MNAT1: variants seen among roughly 807,000 people sequenced by gnomAD.
The protein encoded by MNAT1 is MNAT1 component of CDK activating kinase, also known as CDK-activating kinase assembly factor MAT1.
In MNAT1, 43 loss-of-function variants were observed where a neutral mutation model predicts 42.0. The ratio of observed to expected loss-of-function variants is 1.02; its 90% CI spans 0.80 to 1.32. The LOEUF (loss-of-function observed/expected upper bound fraction) is 1.32. Ranked by LOEUF, MNAT1 falls within the 40% of genes most tolerant of loss-of-function variation. The probability of loss-of-function intolerance (pLI) is 0.00; values close to 1 mark genes in which losing one functional copy is unlikely to be tolerated. For synonymous variants in MNAT1, 118 were observed against 120.0 expected, an observed-to-expected ratio of 0.98 and a Z score of 0.11; for missense variants, 306 against 350.4, an observed-to-expected ratio of 0.87 and a Z score of 1.01.
intron 7 of MNAT1, among the ~76,000 whole-genome samples, chr14:60,925,599 C>G (rs548656282): frequency 3.3e-5 from 5 of 152,290 alleles, no homozygotes; most frequent in Admixed American, 6.5e-5. Flanking sequence ...GCAACCTTAT[C>G]CCTTCCTTAC....
At chr14:60,758,472 G>C (rs760752887) in intron 1 of MNAT1, among the ~76,000 whole-genome samples, 1 of 151,790 alleles carries the variant, frequency 6.6e-6, no homozygotes, top group Non-Finnish European at 1.5e-5. Flanking sequence ...CAAAGTGCTG[G>C]GATTACAGGT....
At chr14:60,867,356 A>C (rs2034228147) in intron 6 of MNAT1, among the ~76,000 whole-genome samples, 1 of 152,110 alleles carries the variant, frequency 6.6e-6, no homozygotes, top group Non-Finnish European at 1.5e-5. Context: ...ACTATTAGGC[A>C]TCACATTTTA....
intron 7 of MNAT1, among the ~76,000 whole-genome samples, chr14:60,920,969 C>T (rs1050907131): frequency 1.1e-4 from 16 of 152,120 alleles, no homozygotes; most frequent in African/African-American, 3.6e-4. Context: ...GGTAATTTAT[C>T]GTTATCATGT....
At chr14:60,853,773 T>G (rs924569482) in intron 6 of MNAT1, among the ~76,000 whole-genome samples, 1 of 152,196 alleles carries the variant, frequency 6.6e-6, no homozygotes, top group African/African-American at 2.4e-5. Context: ...TGAATTTTGT[T>G]GAAGGCCTTT....
intron 3 of MNAT1, among the ~76,000 whole-genome samples, chr14:60,807,211 A>T (rs2032399371): frequency 6.6e-6 from 1 of 152,246 alleles, no homozygotes; most frequent in African/African-American, 2.4e-5. Context: ...AAATGAAATT[A>T]TAGATCAAAC....
At chr14:60,947,480 C>T (rs138015840) in intron 7 of MNAT1, among the ~76,000 whole-genome samples, 3,499 of 152,106 alleles carry the variant, frequency 0.023, 151 homozygotes, top group African/African-American at 0.08. Flanking sequence ...GTCAGGAGTT[C>T]GAGACAAGCC....
intron 6 of MNAT1, among the ~76,000 whole-genome samples, chr14:60,869,977 A>C (rs1429072140): frequency 6.6e-6 from 1 of 152,174 alleles, no homozygotes; most frequent in Non-Finnish European, 1.5e-5. Context: ...TAACAGACAA[A>C]TCTTAGTAAA....
intron 5 of MNAT1, 107 bp from the exon 6 acceptor site, chr14:60,818,615 A>G: frequency 1.1e-6 from 1 of 930,730 alleles, no homozygotes; most frequent in South Asian, 3.2e-5. Flanking sequence ...GTGAATATTT[A>G]GTTTGACATG....
intron 6 of MNAT1, among the ~76,000 whole-genome samples, chr14:60,838,080 T>C (rs1314563214): frequency 2.0e-5 from 3 of 152,164 alleles, no homozygotes; most frequent in African/African-American, 4.8e-5. Flanking sequence ...GCTAGAGGTT[T>C]ATCAGTTTTC....
chr14:60,871,346 C>T (rs1003238468), intron 6 of MNAT1, among the ~76,000 whole-genome samples: 1 of 152,172 alleles, frequency 6.6e-6, no homozygotes, highest in African/African-American at 2.4e-5. Flanking sequence ...TTACTTGTCA[C>T]TTTAAGAAAA....
chr14:60,889,146 A>G (rs572691777), intron 7 of MNAT1, among the ~76,000 whole-genome samples: 1 of 152,330 alleles, frequency 6.6e-6, no homozygotes, highest in African/African-American at 2.4e-5. Flanking sequence ...CGCTGAGTCA[A>G]TTGTAAGCCA....
intron 7 of MNAT1, among the ~76,000 whole-genome samples, chr14:60,914,597 T>A (rs1434104445): frequency 2.0e-5 from 3 of 152,170 alleles, no homozygotes; most frequent in African/African-American, 7.2e-5. Context: ...ATGCTATGTA[T>A]GCAGCTGCCT....
At chr14:60,756,839 G>A (rs1027656074) in intron 1 of MNAT1, among the ~76,000 whole-genome samples, 2 of 152,018 alleles carry the variant, frequency 1.3e-5, no homozygotes, top group Admixed American at 6.6e-5. Flanking sequence ...ATGCCCTTGC[G>A]TTTTTTTGGG....
At chr14:60,954,045 G>A (rs1366911574) in intron 7 of MNAT1, among the ~76,000 whole-genome samples, 1 of 151,962 alleles carries the variant, frequency 6.6e-6, no homozygotes, top group Non-Finnish European at 1.5e-5. Flanking sequence ...TAGGTTCTCT[G>A]TTCTGTTCCA....
intron 6 of MNAT1, among the ~76,000 whole-genome samples, chr14:60,864,261 T>A (rs1209200619): frequency 6.6e-6 from 1 of 151,748 alleles, no homozygotes; most frequent in Non-Finnish European, 1.5e-5. Context: ...TATTTAAAAA[T>A]GTTTAATAAA....
chr14:60,834,396 T>C (rs967901731), intron 6 of MNAT1, among the ~76,000 whole-genome samples: 2 of 152,234 alleles, frequency 1.3e-5, no homozygotes, highest in East Asian at 1.9e-4. Context: ...TCTTTATTTC[T>C]GTATTAATTT....
chr14:60,755,815 A>G (rs755926337), intron 1 of MNAT1, among the ~76,000 whole-genome samples: 1 of 152,208 alleles, frequency 6.6e-6, no homozygotes, highest in African/African-American at 2.4e-5. Context: ...ATATAGTCCA[A>G]TAAGATGCTT....
Position 60,761,528 on chromosome 14 carries a change from A to G in MNAT1, c.89+26577A>G, listed in dbSNP as rs965430569. On this transcript the variant is annotated intron_variant, in intron 1 of 7. Coordinates refer to ENST00000261245, the MANE Select transcript of MNAT1 (RefSeq NM_002431.4). ...AATTGTTTATTTTTCAATCCTTAGC[A>G]CTAAGGTAGTAGCTTAAACTATGAC... 2.6e-5 allele frequency among the ~76,000 whole-genome samples: 4 copies of G among 152,192 alleles called. No individual in the cohort carries two copies. The East Asian group carries it at 7.7e-4, about 29-fold the overall frequency.
intron 7 of MNAT1, among the ~76,000 whole-genome samples, chr14:60,951,613 G>T (rs2036386034): frequency 6.6e-6 from 1 of 151,774 alleles, no homozygotes; most frequent in South Asian, 2.1e-4. Context: ...TCCTTTCCTT[G>T]CCGTATGGCA....
Sources: allele counts gnomAD v4.1 joint callset (sites outside exome capture counted in the v4.1 genomes callset), GRCh38; gene constraint gnomAD v4.1.1; transcripts MANE v1.5; gene names NCBI Gene and HGNC (gene_info 2026-07-23, HGNC 2026-07-21).